USP34: variants seen among roughly 807,000 people sequenced by gnomAD.
USP34 encodes the protein ubiquitin specific peptidase 34, also known as ubiquitin carboxyl-terminal hydrolase 34.
A neutral mutation model predicts 460.3 loss-of-function variants in USP34; 70 were observed. That is an observed-to-expected ratio of 0.15 (90% CI 0.13 to 0.19). The LOEUF is 0.19. Ranked by LOEUF, USP34 falls within the 10% of genes least tolerant of loss-of-function variation. USP34 has a pLI of 1.00. For missense variants in USP34, 3,985 were observed against 4,236.2 expected (o/e 0.94, Z 1.65); for synonymous variants, 1,647 against 1,405.3 (o/e 1.17, Z -3.85).
intron 6 of USP34, among the ~76,000 whole-genome samples, chr2:61,382,622 A>G (rs1693007321): frequency 6.6e-6 from 1 of 152,194 alleles, no homozygotes; most frequent in Admixed American, 6.5e-5. Flanking sequence ...TGCAAATGAG[A>G]AAAAAAGTAC....
intron 1 of USP34, among the ~76,000 whole-genome samples, chr2:61,427,000 G>A (rs1362648887): frequency 6.6e-6 from 1 of 152,164 alleles, no homozygotes; most frequent in Non-Finnish European, 1.5e-5. Flanking sequence ...ACTGGGCTTG[G>A]GGTACCCCTA....
chr2:61,332,951 G>C (rs1413524520), intron 19 of USP34, among the ~76,000 whole-genome samples: 1 of 152,008 alleles, frequency 6.6e-6, no homozygotes, highest in African/African-American at 2.4e-5. Context: ...AACTATAAAA[G>C]TGATACTCCA....
intron 41 of USP34, among the ~76,000 whole-genome samples, chr2:61,267,727 C>T (rs781534740): frequency 6.6e-6 from 1 of 152,150 alleles, no homozygotes; most frequent in Non-Finnish European, 1.5e-5. Flanking sequence ...CATTCTCCTG[C>T]CTCAGACTCC....
intron 62 of USP34, among the ~76,000 whole-genome samples, chr2:61,226,322 G>A (rs1687724677): frequency 1.3e-5 from 2 of 152,134 alleles, no homozygotes; most frequent in Admixed American, 6.5e-5. Flanking sequence ...ATATGCACAC[G>A]TCTGTGAATG....
intron 69 of USP34, among the ~76,000 whole-genome samples, chr2:61,210,167 T>C (rs1687235323): frequency 6.6e-6 from 1 of 152,174 alleles, no homozygotes; most frequent in South Asian, 2.1e-4. Flanking sequence ...GTTTATAAAG[T>C]CTATAGTAGG....
intron 1 of USP34, among the ~76,000 whole-genome samples, chr2:61,455,272 G>A (rs1001277410): frequency 2.6e-5 from 4 of 151,884 alleles, no homozygotes; most frequent in South Asian, 2.1e-4. Flanking sequence ...TCCGCCTCCC[G>A]GGTTCAAGCA....
chr2:61,211,571 C>G (rs1687273693), intron 69 of USP34, among the ~76,000 whole-genome samples: 1 of 152,100 alleles, frequency 6.6e-6, no homozygotes, highest in Admixed American at 6.5e-5. Context: ...CCCTTCAACC[C>G]TAAAATGATA....
At chr2:61,242,022 A>G (rs1688276766) in intron 51 of USP34, among the ~76,000 whole-genome samples, 1 of 152,008 alleles carries the variant, frequency 6.6e-6, no homozygotes, top group South Asian at 2.1e-4. Context: ...AGTTTTTATT[A>G]TTTTTATTAT....
At chr2:61,394,024 G>A (rs1693438100) in intron 5 of USP34, among the ~76,000 whole-genome samples, 1 of 152,052 alleles carries the variant, frequency 6.6e-6, no homozygotes, top group Non-Finnish European at 1.5e-5. Context: ...GGGAGGCTGA[G>A]GCAGAAGAAT....
intron 38 of USP34, 50 bp downstream of exon 38, chr2:61,281,040 A>C: frequency 6.3e-7 from 1 of 1,576,522 alleles, no homozygotes; most frequent in Non-Finnish European, 8.6e-7. Context: ...AAACTGAGGC[A>C]AAGGAAATTT....
At chr2:61,307,602 C>T (rs1690454013) in intron 27 of USP34, among the ~76,000 whole-genome samples, 2 of 150,956 alleles carry the variant, frequency 1.3e-5, no homozygotes, top group Admixed American at 1.3e-4. Flanking sequence ...AACCTCATGA[C>T]CTAGAATTTG....
Position 61,331,385 on chromosome 2 carries a change from A to G in USP34, c.2835-14T>C. 1 of 1,603,486 alleles carries G rather than the reference A, an allele frequency of 6.2e-7. No homozygotes were observed. The highest frequency in any genetic ancestry group is 8.5e-7 in the Non-Finnish European group (1 of 1,175,646). On this transcript the variant is annotated splice_polypyrimidine_tract_variant and intron_variant, in intron 19 of 79. Transcript: ENST00000398571. ...TTTTCTGCCCACCTGGCCCAAATAAAAGAAAAAATAATTTTAAAGTGGGCA... is the reference window on the plus strand; with the variant it reads ...TTTTCTGCCCACCTGGCCCAAATAAGAGAAAAAATAATTTTAAAGTGGGCA...
chr2:61,328,680 C>T (rs964715847), intron 20 of USP34, among the ~76,000 whole-genome samples: 2 of 152,200 alleles, frequency 1.3e-5, no homozygotes. Flanking sequence ...ACTCCTTTTT[C>T]ACCACAGAAG....
chr2:61,334,342 G>A (rs1221257517), intron 18 of USP34, among the ~76,000 whole-genome samples: 1 of 151,984 alleles, frequency 6.6e-6, no homozygotes, highest in Non-Finnish European at 1.5e-5. Flanking sequence ...TATGAACCAC[G>A]TCACTAATGG....
chr2:61,294,219 G>A lies in USP34; in HGVS notation c.4462-669C>T, dbSNP rs559684342. On this transcript the variant is annotated intron_variant, in intron 32 of 79. Coordinates refer to ENST00000398571, the MANE Select transcript of USP34 (RefSeq NM_014709.4). ...AAATTAGCCGGGTGTGGTGGCGGGC[G>A]CCTGTAGTACCAGCTACTCCAGAGG... 5.0e-4 allele frequency among the ~76,000 whole-genome samples: 76 copies of A among 151,766 alleles called. 1 individual carries two copies. The South Asian group carries it at 7.9e-3, about 16-fold the overall frequency.
chr2:61,251,027 A>T (rs1572871995), intron 48 of USP34, among the ~76,000 whole-genome samples: 1 of 152,130 alleles, frequency 6.6e-6, no homozygotes, highest in East Asian at 1.9e-4. Flanking sequence ...AGTCCCAGCT[A>T]CTCAGGAGGC....
chr2:61,200,596 G>A (rs1227927466), intron 75 of USP34: 1 of 152,118 alleles, frequency 6.6e-6, no homozygotes, highest in Non-Finnish European at 1.5e-5. Flanking sequence ...ATCCATTATA[G>A]GTCTTGAGAT....
intron 43 of USP34, among the ~76,000 whole-genome samples, chr2:61,261,233 C>T (rs926010388): frequency 2.6e-5 from 4 of 152,166 alleles, no homozygotes; most frequent in Non-Finnish European, 5.9e-5. Flanking sequence ...TTATTCACAA[C>T]AGCCAAAAGG....
At position 61,383,252 on chromosome 2, in the gene USP34, A is replaced by T; in HGVS notation, c.821+17T>A. The T allele has an allele frequency of 6.4e-7, 1 of 1,573,128 alleles. No individual in the cohort carries two copies. Among genetic ancestry groups the T allele is most frequent in the East Asian group, 2.2e-5 (1 of 44,484 alleles). ...ATTACACTGATAATCGGGGGTAAAG[A>T]AATTTTATAAACTTACCTAATAACA... On this transcript the variant is annotated intron_variant, in intron 6 of 79. Transcript: ENST00000398571.
Sources: allele counts gnomAD v4.1 joint callset (sites outside exome capture counted in the v4.1 genomes callset), GRCh38; gene constraint gnomAD v4.1.1; transcripts MANE v1.5; gene names NCBI Gene and HGNC (gene_info 2026-07-23, HGNC 2026-07-21).